The following PSMG2 variants were observed in gnomAD, a reference collection of about 807,000 sequenced individuals.
PSMG2 encodes the protein CD40 ligand-activated specific transcript 3.
A neutral mutation model predicts 31.5 loss-of-function variants in PSMG2; 21 were observed. That is an observed-to-expected ratio of 0.67 (90% CI 0.47 to 0.96). The LOEUF (loss-of-function observed/expected upper bound fraction) is 0.96, where lower values mean the gene tolerates loss of function less well. Ranked by LOEUF, PSMG2 falls within the 40% of genes least tolerant of loss-of-function variation. The pLI is 0.00. For synonymous variants in PSMG2, 120 were observed against 110.4 expected (o/e 1.09, Z -0.54); for missense variants, 318 against 321.2 (o/e 0.99, Z 0.08).
rs748337612 is a variant in PSMG2 at position 12,703,137 on chromosome 18, C to T, written c.30C>T (p.Pro10=). 1.9e-6 allele frequency: 3 copies of T among 1,612,354 alleles called. No homozygotes were observed. The highest frequency in any genetic ancestry group is 2.2e-5 in the South Asian group (2 of 90,698). MFVPCGESA[P]DLAGFTLLMP... ...TCGTTCCCTGCGGGGAGTCGGCCCC[C>T]GACCTTGCCGGCTTCACCCTCCTAA... The change falls in exon 1 of 7, where the codon CCC becomes CCT. Residue 10 remains proline, a synonymous_variant. Coordinates refer to ENST00000317615, the MANE Select transcript of PSMG2 (RefSeq NM_020232.5).
At chr18:12,671,642 CTTTTTTTTT>C (rs869130220) in intron 1 of PSMG2, among the ~76,000 whole-genome samples, 3 of 55,544 alleles carry the variant, frequency 5.4e-5, no homozygotes, top group South Asian at 5.5e-4. Context: ...TTCACACTTT[CTTTTTTTTT>C]TTTTTTTTTT....
At chr18:12,722,491 G>C (rs1356222420) in intron 5 of PSMG2, among the ~76,000 whole-genome samples, 1 of 152,186 alleles carries the variant, frequency 6.6e-6, no homozygotes, top group Admixed American at 6.5e-5. Context: ...CCAGGGGTCT[G>C]TTTCCTTGGG....
chr18:12,697,223 C>T, intron 1 of PSMG2: 3 of 1,607,454 alleles, frequency 1.9e-6, no homozygotes, highest in Non-Finnish European at 2.6e-6. Flanking sequence ...ATCACCATAC[C>T]TACACCCATA....
intron 3 of PSMG2, among the ~76,000 whole-genome samples, chr18:12,714,335 G>A (rs2040357388): frequency 1.3e-5 from 2 of 152,154 alleles, no homozygotes; most frequent in South Asian, 2.1e-4. Flanking sequence ...TGGCTTCCCT[G>A]TGTTGTTAGA....
intron 1 of PSMG2, chr18:12,680,560 G>C (rs2039308166): frequency 1.3e-6 from 1 of 794,702 alleles, no homozygotes. Flanking sequence ...TTGTGCCAGT[G>C]CACTCCAGCC....
chr18:12,715,350 T>C (rs930059208), intron 3 of PSMG2, among the ~76,000 whole-genome samples: 1 of 152,020 alleles, frequency 6.6e-6, no homozygotes, highest in Admixed American at 6.6e-5. Context: ...GTCATTTACT[T>C]TTATATCCCC....
chr18:12,681,978 A>G (rs1318523854), intron 1 of PSMG2, among the ~76,000 whole-genome samples: 1 of 151,692 alleles, frequency 6.6e-6, no homozygotes, highest in African/African-American at 2.4e-5. Context: ...CCTGGACAAC[A>G]GAGTGAGACT....
intron 1 of PSMG2, among the ~76,000 whole-genome samples, chr18:12,690,948 C>G (rs558945073): frequency 1.3e-4 from 20 of 151,464 alleles, no homozygotes; most frequent in Non-Finnish European, 1.9e-4. Context: ...AGCCCCCCCC[C>G]GTTCTGCACA....
At chr18:12,687,533 A>C (rs1332335287) in intron 1 of PSMG2, among the ~76,000 whole-genome samples, 4 of 148,914 alleles carry the variant, frequency 2.7e-5, no homozygotes, top group Non-Finnish European at 5.9e-5. Context: ...GGCTCGCTGC[A>C]ACCTCCGCCC....
intron 1 of PSMG2, chr18:12,680,878 A>C: frequency 6.8e-7 from 1 of 1,475,784 alleles, no homozygotes; most frequent in Admixed American, 1.9e-5. Flanking sequence ...TTATTTCCTC[A>C]TTACATACTT....
At chr18:12,680,377 C>A (rs1396741614) in intron 1 of PSMG2, among the ~76,000 whole-genome samples, 2 of 151,870 alleles carry the variant, frequency 1.3e-5, no homozygotes, top group East Asian at 3.9e-4. Context: ...AGGTGGATCA[C>A]CTAAGGTCAG....
chr18:12,680,821 C>T, intron 1 of PSMG2: 2 of 1,608,350 alleles, frequency 1.2e-6, no homozygotes, highest in Non-Finnish European at 1.7e-6. Context: ...GTGATCTTCA[C>T]AGTCACCCTG....
intron 1 of PSMG2, among the ~76,000 whole-genome samples, chr18:12,673,669 C>T (rs2039012065): frequency 6.6e-6 from 1 of 152,060 alleles, no homozygotes; most frequent in Non-Finnish European, 1.5e-5. Context: ...CACCTGAGGT[C>T]AGGAGTTCAA....
chr18:12,723,316 AT>A (rs2040447916), intron 5 of PSMG2, among the ~76,000 whole-genome samples: 1 of 152,004 alleles, frequency 6.6e-6, no homozygotes, highest in Non-Finnish European at 1.5e-5. Flanking sequence ...GCCTTGGTGT[AT>A]CTCCATCTCA....
chr18:12,678,020 A>T, intron 1 of PSMG2: 1 of 959,088 alleles, frequency 1.0e-6, no homozygotes, highest in East Asian at 2.5e-5. Context: ...GGGCTAGAAT[A>T]GTGACTGGCA....
chr18:12,676,055 T>G (rs1312905283), intron 1 of PSMG2, among the ~76,000 whole-genome samples: 1 of 152,126 alleles, frequency 6.6e-6, no homozygotes. Flanking sequence ...CAAAAAATTC[T>G]CAAAATTCTA....
intron 2 of PSMG2, among the ~76,000 whole-genome samples, chr18:12,711,667 G>A (rs182169434): frequency 2.0e-5 from 3 of 151,708 alleles, no homozygotes; most frequent in Admixed American, 6.6e-5. Flanking sequence ...ATCTGTTTAT[G>A]GTAACCAACA....
chr18:12,674,483 C>A, intron 1 of PSMG2: 3 of 1,292,174 alleles, frequency 2.3e-6, no homozygotes, highest in Non-Finnish European at 3.3e-6. Context: ...CCCTGCCGGA[C>A]TGATCTGTAA....
At chr18:12,723,487 G>A (rs1226849812) in intron 5 of PSMG2, among the ~76,000 whole-genome samples, 2 of 151,818 alleles carry the variant, frequency 1.3e-5, no homozygotes, top group Admixed American at 1.3e-4. Context: ...ACAGAGTCTT[G>A]CTCTGTCTCA....
Sources: allele counts gnomAD v4.1 joint callset (sites outside exome capture counted in the v4.1 genomes callset), GRCh38; gene constraint gnomAD v4.1.1; transcripts MANE v1.5; gene names NCBI Gene and HGNC (gene_info 2026-07-23, HGNC 2026-07-21).